The following GRWD1 variants were observed in gnomAD, a reference collection of about 807,000 sequenced individuals.
GRWD1 encodes glutamate-rich WD repeat-containing protein 1.
Under a neutral mutation model 45.3 loss-of-function variants are expected in GRWD1, and 29 were observed. The observed-to-expected ratio is 0.64, with a 90% CI of 0.48 to 0.87. The LOEUF (loss-of-function observed/expected upper bound fraction) is 0.87. GRWD1 is among the 40% of genes least tolerant of loss of function. The probability of loss-of-function intolerance (pLI) is 0.00; values close to 1 mark genes in which losing one functional copy is unlikely to be tolerated. For synonymous variants in GRWD1, 262 were observed against 257.6 expected (o/e 1.02, Z -0.16); for missense variants, 592 against 618.8 (o/e 0.96, Z 0.46).
Position 48,446,729 on chromosome 19 carries a change from C to T in GRWD1, c.354C>T (p.Pro118=), listed in dbSNP as rs915230543. The T allele has an allele frequency of 6.2e-7, 1 of 1,612,918 alleles. No individual in the cohort carries two copies. Among genetic ancestry groups the T allele is most frequent in the Non-Finnish European group, 8.5e-7 (1 of 1,179,436 alleles). ...MHNLHGTKPP[P]SEGSDEEEEE... ...ATCTGCATGGGACAAAGCCCCCACC[C>T]TCAGAGGGCAGTGATGAAGAAGAAG... Residue 118 remains proline, a synonymous_variant, in exon 3 of 7, where the codon CCC becomes CCT. Transcript: ENST00000253237.
In GRWD1 at chr19:48,450,103, C is replaced by T. The variant is rs1374405108; in HGVS notation, c.469-210C>T. ...ACCTCAGCTCCCCCACCCACTCCCA[C>T]CCCCTGTGGAGAGCTGTCCCAGTTA... On this transcript the variant is annotated intron_variant, in intron 3 of 6. Coordinates refer to ENST00000253237, the MANE Select transcript of GRWD1 (RefSeq NM_031485.4). The surrounding 1 kb of genome is among the most constrained non-coding windows in gnomAD (Gnocchi z 5.1). Among the ~76,000 whole-genome samples, 1 of 151,888 alleles carries T rather than the reference C, an allele frequency of 6.6e-6. No individual in the cohort carries two copies. Among genetic ancestry groups the T allele is most frequent in the Non-Finnish European group, 1.5e-5 (1 of 67,968 alleles).
In GRWD1 at chr19:48,452,492, G is replaced by C. The variant is rs1039296238; in HGVS notation, c.1024-216G>C. Among the ~76,000 whole-genome samples, 1 of 152,170 alleles carries C rather than the reference G, an allele frequency of 6.6e-6. No homozygotes were observed. Among genetic ancestry groups the C allele is most frequent in the Non-Finnish European group, 1.5e-5 (1 of 68,022 alleles). On this transcript the variant is annotated intron_variant, in intron 6 of 6. Coordinates refer to ENST00000253237, the MANE Select transcript of GRWD1 (RefSeq NM_031485.4). The surrounding 1 kb of genome is among the most constrained non-coding windows in gnomAD (Gnocchi z 5.1). Reference sequence around the variant, plus strand: ...TGAGCTGGGAGGGGCTTCTTTGCAGGTGAATCACAGTTCCCAGCAACCCCT... The same window carrying C: ...TGAGCTGGGAGGGGCTTCTTTGCAGCTGAATCACAGTTCCCAGCAACCCCT...
In GRWD1 at chr19:48,450,416, A is replaced by T. The variant is rs1405423543; in HGVS notation, c.572A>T (p.Gln191Leu). 3.2e-5 allele frequency: 51 copies of T among 1,614,022 alleles called. No individual in the cohort carries two copies. The highest frequency in any genetic ancestry group is 4.3e-5 in the Non-Finnish European group (51 of 1,180,018). The change falls in exon 4 of 7, where the codon CAG becomes CTG. Residue 191 changes from glutamine (Q) to leucine (L), a missense_variant. Gln to Leu is a moderately radical substitution (Grantham distance 113, BLOSUM62 -2). Coordinates refer to ENST00000253237, the MANE Select transcript of GRWD1 (RefSeq NM_031485.4). This position sits in a 1 kb window ranked among gnomAD's most constrained non-coding sequence, Gnocchi z 5.1. ...CTTCTGCAGGTGGTGGAGGAGCCCCAGGCCCTGGCAGCCTTCCTCCGGGAT... is the reference window on the plus strand; with the variant it reads ...CTTCTGCAGGTGGTGGAGGAGCCCCTGGCCCTGGCAGCCTTCCTCCGGGAT... ...RRLLQVVEEP[Q>L]ALAAFLRDEQ... is the part of the protein sequence containing the mutation.
rs771325293 is a variant in GRWD1 at position 48,446,041 on chromosome 19, A to C, written c.36A>C (p.Glu12Asp). 3 of 1,596,790 alleles carry C rather than the reference A, an allele frequency of 1.9e-6. No individual in the cohort carries two copies. The highest frequency in any genetic ancestry group is 2.7e-5 in the African/African-American group (2 of 74,710). ...AARKGRRRTC[E>D]TGEPMEAESG... ...GCAAGGGTCGGCGGCGCACGTGTGA[A>C]ACCGGGGAACCCATGGAAGCCGAGT... The change falls in exon 1 of 7, where the codon GAA (glutamate) becomes GAC (aspartate). Residue 12 changes from glutamate (E) to aspartate (D), a missense_variant. Coordinates refer to ENST00000253237, the MANE Select transcript of GRWD1 (RefSeq NM_031485.4).
chr19:48,451,928 A>C (rs1971479546), intron 6 of GRWD1, among the ~76,000 whole-genome samples: 1 of 152,102 alleles, frequency 6.6e-6, no homozygotes, highest in South Asian at 2.1e-4. Flanking sequence ...GCCTCTCCTA[A>C]TGAGAGAGAC....
At position 48,450,679 on chromosome 19, in the gene GRWD1, C is replaced by T. The variant is rs770126608; in HGVS notation, c.696C>T (p.Thr232=). 50 of 1,613,712 alleles carry T rather than the reference C, an allele frequency of 3.1e-5. No individual in the cohort carries two copies. The highest frequency in any genetic ancestry group is 1.6e-4 in the Middle Eastern group (1 of 6,074). The change falls in exon 5 of 7, where the codon ACC becomes ACT. Residue 232 remains threonine, a synonymous_variant. Coordinates refer to ENST00000253237, the MANE Select transcript of GRWD1 (RefSeq NM_031485.4). This position sits in a 1 kb window ranked among gnomAD's most constrained non-coding sequence, Gnocchi z 5.1. ...TCCCTTCCCCAGGTCGCCTGCTGACCGGTGACTGTCAAAAGAACATCCACC... is the reference window on the plus strand; with the variant it reads ...TCCCTTCCCCAGGTCGCCTGCTGACTGGTGACTGTCAAAAGAACATCCACC... ...WSPRVTGRLL[T]GDCQKNIHLW...
Position 48,450,385 on chromosome 19 carries a change from C to T in GRWD1, c.541C>T (p.Arg181Trp), listed in dbSNP as rs766021879. 1.4e-5 allele frequency: 22 copies of T among 1,613,520 alleles called. No individual in the cohort carries two copies. The Admixed American group carries it at 1.5e-4, about 11-fold the overall frequency. ...EKGQVEVFAL[R>W]RLLQVVEEPQ... ...GGGCCAGGTGGAGGTGTTTGCGCTGCGGCGGCTTCTGCAGGTGGTGGAGGA... is the reference window on the plus strand; with the variant it reads ...GGGCCAGGTGGAGGTGTTTGCGCTGTGGCGGCTTCTGCAGGTGGTGGAGGA... The change falls in exon 4 of 7, where the codon CGG (arginine) becomes TGG (tryptophan). Residue 181 changes from arginine (R) to tryptophan (W), a missense_variant. By Grantham distance (101) the Arg-to-Trp change is moderately radical. Coordinates refer to ENST00000253237, the MANE Select transcript of GRWD1 (RefSeq NM_031485.4). The surrounding 1 kb of genome is among the most constrained non-coding windows in gnomAD (Gnocchi z 5.1).
intron 6 of GRWD1, 77 bp downstream of exon 6, chr19:48,451,308 C>G: frequency 1.5e-6 from 2 of 1,341,136 alleles, no homozygotes; most frequent in South Asian, 2.9e-5. Context: ...GATTTTTCCT[C>G]CTTGAATAGT....
At position 48,446,417 on chromosome 19, in the gene GRWD1, G is replaced by A. The variant is rs1971403435; in HGVS notation, c.220G>A (p.Asp74Asn). Residue 74 changes from aspartate to asparagine, a missense_variant, in exon 2 of 7, where the codon GAT (aspartate) becomes AAT (asparagine). Asp to Asn is a conservative substitution (Grantham distance 23). Transcript: ENST00000253237. ...CTGTCTCAGCTTTGACATAGTCCGG[G>A]ATCACCTGGGAGACAACCGGACAGA... The part of the protein sequence containing the change: ...APCLSFDIVR[D>N]HLGDNRTELP... 3.1e-6 allele frequency: 5 copies of A among 1,614,064 alleles called. No homozygotes were observed. Among genetic ancestry groups the A allele is most frequent in the Non-Finnish European group, 4.2e-6 (5 of 1,180,042 alleles).
chr19:48,446,510 C>G lies in GRWD1; in HGVS notation c.305+8C>G, dbSNP rs1971405144. Reference sequence around the variant, plus strand: ...GAGCGCCCAGAGCAACAGGTAAGACCCGAGGCTTTTCCAGGACCAGGAGGC... The same window carrying G: ...GAGCGCCCAGAGCAACAGGTAAGACGCGAGGCTTTTCCAGGACCAGGAGGC... On this transcript the variant is annotated splice_region_variant and intron_variant, in intron 2 of 6. Coordinates refer to ENST00000253237, the MANE Select transcript of GRWD1 (RefSeq NM_031485.4). The G allele has an allele frequency of 6.2e-7, 1 of 1,611,618 alleles. No homozygotes were observed. Among genetic ancestry groups the G allele is most frequent in the East Asian group, 2.2e-5 (1 of 44,872 alleles).
chr19:48,447,468 C>G (rs1971423165), intron 3 of GRWD1, among the ~76,000 whole-genome samples: 1 of 151,868 alleles, frequency 6.6e-6, no homozygotes, highest in Non-Finnish European at 1.5e-5. Flanking sequence ...GTGGTGAACT[C>G]CTGACCTCGT....
intron 3 of GRWD1, among the ~76,000 whole-genome samples, chr19:48,447,688 GT>G (rs1339320746): frequency 1.3e-5 from 2 of 152,150 alleles, no homozygotes; most frequent in African/African-American, 4.8e-5. Context: ...GCCTCCTTCA[GT>G]TTTTAGAAAA....
At position 48,455,576 on chromosome 19, in the gene GRWD1, G is replaced by T. The variant is rs1971529451; in HGVS notation, c.*2551G>T. ...GGGGAGGGGGGTGCCCTGAGCCTGAGTCGCAGCCAGCCTGGGAGCTGGGCC... is the reference window on the plus strand; with the variant it reads ...GGGGAGGGGGGTGCCCTGAGCCTGATTCGCAGCCAGCCTGGGAGCTGGGCC... On this transcript the variant is annotated 3_prime_UTR_variant, in exon 7 of 7. Coordinates refer to ENST00000253237, the MANE Select transcript of GRWD1 (RefSeq NM_031485.4). 6.6e-6 allele frequency: 1 copy of T among 152,236 alleles called. No individual in the cohort carries two copies. Among genetic ancestry groups the T allele is most frequent in the Non-Finnish European group, 1.5e-5 (1 of 68,072 alleles). The allele number at this position is 152,236 out of a possible 1,614,324, so 9.4% of individuals were successfully genotyped here.
intron 3 of GRWD1, among the ~76,000 whole-genome samples, chr19:48,447,071 ATTT>A (rs869052120): frequency 4.9e-3 from 95 of 19,302 alleles, no homozygotes; most frequent in African/African-American, 6.2e-3. Flanking sequence ...TGCCTGGCCC[ATTT>A]TTTTTTTTTT....
At position 48,456,215 on chromosome 19, in the gene GRWD1, C is replaced by T. The variant is rs1971538444; in HGVS notation, c.*3190C>T. ...GTCAGTGCCCACCTGCCCCCCCAGC[C>T]CACGGGGGTGGTTCCTGAGGGTGGA... On this transcript the variant is annotated 3_prime_UTR_variant, in exon 7 of 7. Coordinates refer to ENST00000253237, the MANE Select transcript of GRWD1 (RefSeq NM_031485.4). The T allele has an allele frequency of 1.3e-5, 2 of 152,392 alleles. No homozygotes were observed. The highest frequency in any genetic ancestry group is 4.1e-4 in the South Asian group (2 of 4,840). 9.4% of individuals were successfully genotyped at this position (152,392 alleles called of 1,614,324 possible).
In GRWD1 at chr19:48,452,671, G is replaced by A; in HGVS notation, c.1024-37G>A. ...GGGTCCTCCCCAGAGTCAGGCTGAG[G>A]CATTCAGAGCCCGTTCCTCCCATCC... On this transcript the variant is annotated intron_variant, in intron 6 of 6. Transcript: ENST00000253237. The surrounding 1 kb of genome is among the most constrained non-coding windows in gnomAD (Gnocchi z 5.1). 2 of 1,509,540 alleles carry A rather than the reference G, an allele frequency of 1.3e-6. No individual in the cohort carries two copies. The highest frequency in any genetic ancestry group is 1.8e-6 in the Non-Finnish European group (2 of 1,113,880). The allele number at this position is 1,509,540 out of a possible 1,614,324, so 93.5% of individuals were successfully genotyped here.
At chr19:48,446,950 T>C in intron 3 of GRWD1, 107 bp downstream of exon 3, 1 of 1,113,474 alleles carries the variant, frequency 9.0e-7, no homozygotes, top group Middle Eastern at 3.1e-4. Context: ...TTTTTTTTTT[T>C]TTTTGAGACG....
intron 3 of GRWD1, among the ~76,000 whole-genome samples, chr19:48,447,219 G>A (rs188725070): frequency 1.4e-4 from 22 of 151,780 alleles, no homozygotes; most frequent in Admixed American, 2.6e-4. Flanking sequence ...GGCTATAGGC[G>A]CCTGCCACCA....
Position 48,446,114 on chromosome 19 carries a change from C to T in GRWD1, c.109C>T (p.Arg37Trp), listed in dbSNP as rs78848583. The T allele has an allele frequency of 1.9e-6, 3 of 1,588,460 alleles. No homozygotes were observed. The highest frequency in any genetic ancestry group is 1.3e-5 in the African/African-American group (1 of 74,668). Residue 37 changes from arginine to tryptophan, a missense_variant, in exon 1 of 7, where the codon CGG (arginine) becomes TGG (tryptophan). Arg to Trp is a moderately radical substitution (Grantham distance 101). Transcript: ENST00000253237. Reference protein sequence around the residue: ...EGPAQVYLPGRGPPLREGEEL... With the variant: ...EGPAQVYLPGWGPPLREGEEL... Reference sequence around the variant, plus strand: ...CCCGGCCCAGGTCTACCTGCCCGGCCGGGGGCCGCCGCTACGCGAAGGGGA... The same window carrying T: ...CCCGGCCCAGGTCTACCTGCCCGGCTGGGGGCCGCCGCTACGCGAAGGGGA...
Sources: allele counts gnomAD v4.1 joint callset (sites outside exome capture counted in the v4.1 genomes callset), GRCh38; gene constraint gnomAD v4.1.1; non-coding constraint Gnocchi (gnomAD v3.1); transcripts MANE v1.5; gene names NCBI Gene and HGNC (gene_info 2026-07-23, HGNC 2026-07-21).